Variants in UST observed in about 807,000 individuals in gnomAD.
UST encodes the protein chondroitin sulfate 2-O-sulfotransferase.
UST carries 21 observed loss-of-function variants against 45.6 expected under a neutral mutation model. That is an observed-to-expected ratio of 0.46 (90% CI 0.33 to 0.66). The LOEUF (loss-of-function observed/expected upper bound fraction) is 0.66, where lower values mean the gene tolerates loss of function less well. UST is among the 30% of genes least tolerant of loss of function. The pLI, the probability that UST is intolerant of heterozygous loss-of-function variation, is 0.02. For synonymous variants in UST, 215 were observed against 200.6 expected (o/e 1.07, Z -0.61); for missense variants, 463 against 512.4 (o/e 0.90, Z 0.93).
intron 5 of UST, chr6:148,964,833 C>G: frequency 4.1e-6 from 2 of 482,354 alleles, no homozygotes; most frequent in Non-Finnish European, 7.5e-6. Flanking sequence ...AGAGCGTTAA[C>G]AGTCTTTCCT....
intron 1 of UST, among the ~76,000 whole-genome samples, chr6:148,884,781 G>A (rs1019682097): frequency 7.2e-5 from 11 of 152,158 alleles, no homozygotes; most frequent in African/African-American, 2.7e-4. Context: ...TCTCTCATAT[G>A]GCCCAGAGGG....
At chr6:148,854,296 G>A (rs867418345) in intron 1 of UST, among the ~76,000 whole-genome samples, 1 of 152,220 alleles carries the variant, frequency 6.6e-6, no homozygotes, top group Admixed American at 6.5e-5. Flanking sequence ...TGAGCACACA[G>A]AATGTGGACA....
At chr6:148,890,964 C>G (rs893950003) in intron 2 of UST, among the ~76,000 whole-genome samples, 1 of 152,046 alleles carries the variant, frequency 6.6e-6, no homozygotes, top group Admixed American at 6.6e-5. Flanking sequence ...TGTGAAATTG[C>G]ACGCATATGT....
chr6:148,941,324 T>A lies in UST; in HGVS notation c.337T>A (p.Cys113Ser). The A allele has an allele frequency of 6.2e-7, 1 of 1,612,920 alleles. No homozygotes were observed. Among genetic ancestry groups the A allele is most frequent in the Non-Finnish European group, 8.5e-7 (1 of 1,179,798 alleles). ...SQVVYNRVGK[C>S]GSRTVVLLLR... ...GGTGGTGTACAACAGGGTAGGCAAG[T>A]GTGGGAGCCGTACTGTGGTCTTGCT... Residue 113 changes from cysteine to serine, a missense_variant, in exon 3 of 8, where the codon TGT becomes AGT. Physicochemically the swap from Cys to Ser is moderately radical, Grantham distance 112 (BLOSUM62 -1). Transcript: ENST00000367463.
intron 7 of UST, among the ~76,000 whole-genome samples, chr6:149,023,101 G>GGTGTGTGTGT (rs61544082): frequency 2.9e-4 from 42 of 143,444 alleles, no homozygotes; most frequent in African/African-American, 1.0e-3. Context: ...CTTGTTCTAT[G>GGTGTGTGTGT]GTGTGTGTGT....
Position 149,075,104 on chromosome 6 carries a change from A to G in UST, c.*988A>G, listed in dbSNP as rs1005685435. 2 of 152,226 alleles carry G rather than the reference A, an allele frequency of 1.3e-5. No individual in the cohort carries two copies. The highest frequency in any genetic ancestry group is 6.5e-5 in the Admixed American group (1 of 15,276). 9.4% of individuals were successfully genotyped at this position (152,226 alleles called of 1,614,324 possible). On this transcript the variant is annotated 3_prime_UTR_variant, in exon 8 of 8. Coordinates refer to ENST00000367463, the MANE Select transcript of UST (RefSeq NM_005715.3). ...GGCATGGCTGTGTCTTTTGCACCCA[A>G]TATGAAACATCTTCTCCCAACACTG... is the stretch of plus-strand genomic sequence containing the variant.
rs921674617 is a variant in UST at position 148,748,141 on chromosome 6, C to T, written c.247+464C>T. 2.6e-5 allele frequency among the ~76,000 whole-genome samples: 4 copies of T among 152,296 alleles called. No individual in the cohort carries two copies. Among genetic ancestry groups the T allele is most frequent in the African/African-American group, 9.6e-5 (4 of 41,562 alleles). ...AGTGTGGGTGGGTTTAGCCCTTTGC[C>T]ACCGTCCGCTCTGAGAATTCTGTCC... On this transcript the variant is annotated intron_variant, in intron 1 of 7. Coordinates refer to ENST00000367463, the MANE Select transcript of UST (RefSeq NM_005715.3). This position sits in a 1 kb window ranked among gnomAD's most constrained non-coding sequence, Gnocchi z 5.3.
At chr6:148,811,682 C>T (rs1262767381) in intron 1 of UST, among the ~76,000 whole-genome samples, 1 of 152,178 alleles carries the variant, frequency 6.6e-6, no homozygotes, top group Non-Finnish European at 1.5e-5. Flanking sequence ...ATGGCTTTTG[C>T]AGCATTTGAG....
chr6:148,918,836 C>G (rs1012500757), intron 2 of UST, among the ~76,000 whole-genome samples: 3 of 151,984 alleles, frequency 2.0e-5, no homozygotes, highest in Non-Finnish European at 4.4e-5. Flanking sequence ...TTTTTTAGTT[C>G]TATTTTTAAT....
chr6:148,943,304 C>T (rs1780165653), intron 3 of UST, among the ~76,000 whole-genome samples: 1 of 152,124 alleles, frequency 6.6e-6, no homozygotes, highest in South Asian at 2.1e-4. Flanking sequence ...AGACAACAAA[C>T]TACCTGCAGA....
chr6:148,979,219 C>T (rs966724093), intron 5 of UST, among the ~76,000 whole-genome samples: 2 of 152,114 alleles, frequency 1.3e-5, no homozygotes, highest in African/African-American at 2.4e-5. Context: ...TGTGTCCTTT[C>T]CCATGGGTGT....
intron 5 of UST, among the ~76,000 whole-genome samples, chr6:148,970,153 G>T (rs1006545518): frequency 6.6e-6 from 1 of 152,182 alleles, no homozygotes; most frequent in Non-Finnish European, 1.5e-5. Flanking sequence ...CACTTCTGGG[G>T]GTTAGCAAGA....
intron 1 of UST, among the ~76,000 whole-genome samples, chr6:148,820,074 A>T (rs958575705): frequency 3.3e-5 from 5 of 152,198 alleles, no homozygotes; most frequent in African/African-American, 1.2e-4. Context: ...AGGTAGCTAA[A>T]GGTCAGGTCT....
At chr6:148,801,176 G>T (rs952044947) in intron 1 of UST, among the ~76,000 whole-genome samples, 2 of 152,116 alleles carry the variant, frequency 1.3e-5, no homozygotes, top group African/African-American at 4.8e-5. Flanking sequence ...GCTGTGTATT[G>T]TGTCTATTGA....
At chr6:148,842,277 T>A (rs1777905700) in intron 1 of UST, among the ~76,000 whole-genome samples, 1 of 152,250 alleles carries the variant, frequency 6.6e-6, no homozygotes, top group Non-Finnish European at 1.5e-5. Flanking sequence ...CTCAGTTAAT[T>A]TGTTGTGTAG....
Position 148,748,924 on chromosome 6 carries a change from GGA to G in UST, c.247+1248_247+1249del, listed in dbSNP as rs1491516583. Among the ~76,000 whole-genome samples the G allele has an allele frequency of 4.2e-5, 6 of 144,306 alleles. No homozygotes were observed. Among genetic ancestry groups the G allele is most frequent in the Non-Finnish European group, 9.0e-5 (6 of 66,346 alleles). 94.7% of individuals were successfully genotyped at this position (144,306 alleles called of 152,430 possible). The stretch of plus-strand genomic sequence containing the variant: ...CGTTTGGAGAAAAGAGAAAAGAAAA[GGA>G]AAAAAAAAAAACCCAAAACAAACAA... On this transcript the variant is annotated intron_variant, in intron 1 of 7. Coordinates refer to ENST00000367463, the MANE Select transcript of UST (RefSeq NM_005715.3). The surrounding 1 kb of genome is among the most constrained non-coding windows in gnomAD (Gnocchi z 5.3).
At chr6:148,809,108 A>G (rs1368993573) in intron 1 of UST, among the ~76,000 whole-genome samples, 1 of 152,260 alleles carries the variant, frequency 6.6e-6, no homozygotes, top group South Asian at 2.1e-4. Flanking sequence ...GCTTGTCAGG[A>G]AACTCCTGTC....
intron 1 of UST, among the ~76,000 whole-genome samples, chr6:148,771,982 A>G (rs1776437210): frequency 6.6e-6 from 1 of 152,048 alleles, no homozygotes; most frequent in South Asian, 2.1e-4. Flanking sequence ...TAGGGACAAT[A>G]CCTCCTTCAA....
intron 7 of UST, among the ~76,000 whole-genome samples, chr6:149,056,297 G>A (rs1009919135): frequency 3.3e-5 from 5 of 151,662 alleles, no homozygotes; most frequent in Non-Finnish European, 7.4e-5. Flanking sequence ...TAGTGGACAC[G>A]AGGTTTTGCC....
Sources: gnomAD v4.1 joint callset for allele counts (sites outside exome capture counted in the v4.1 genomes callset) on GRCh38, gnomAD v4.1.1 for gene constraint, Gnocchi (gnomAD v3.1) non-coding constraint, MANE v1.5 for transcripts, NCBI Gene and HGNC (gene_info 2026-07-23, HGNC 2026-07-21) for gene names.